The following TDRD12 variants were observed in gnomAD, a reference collection of about 807,000 sequenced individuals.
TDRD12 encodes the protein putative ATP-dependent RNA helicase TDRD12.
In TDRD12, 158 loss-of-function variants were observed where a neutral mutation model predicts 133.5. That is an observed-to-expected ratio of 1.18 (90% CI 1.04 to 1.35). The LOEUF is 1.35. Among genes scored for constraint, TDRD12 ranks in the 40% most tolerant of loss-of-function variants. The probability of loss-of-function intolerance (pLI) is 0.00; values close to 1 mark genes in which losing one functional copy is unlikely to be tolerated. For synonymous variants in TDRD12, 460 were observed against 477.9 expected, an observed-to-expected ratio of 0.96 and a Z score of 0.49; for missense variants, 1,443 against 1,321.3, an observed-to-expected ratio of 1.09 and a Z score of -1.43.
chr19:32,774,630 C>G (rs188387723), intron 10 of TDRD12, among the ~76,000 whole-genome samples: 30 of 152,296 alleles, frequency 2.0e-4, no homozygotes, highest in African/African-American at 7.2e-4. Context: ...TGTTCCTCTG[C>G]TGTTTCCTCT....
intron 27 of TDRD12, among the ~76,000 whole-genome samples, chr19:32,818,911 A>G (rs1451824216): frequency 6.6e-6 from 1 of 151,232 alleles, no homozygotes; most frequent in African/African-American, 2.5e-5. Flanking sequence ...TGGGCTAGTG[A>G]CTTGCTGGGT....
In TDRD12 at chr19:32,720,027, G is replaced by A. The variant is rs1225897886; in HGVS notation, c.-46G>A. The stretch of plus-strand genomic sequence containing the variant: ...AGCCAGCCTCACCCGCGACGGTAGG[G>A]GACTTCCAGGGCGAGGGGGCCCATC... On this transcript the variant is annotated 5_prime_UTR_variant, in exon 1 of 28. Transcript: ENST00000444215. 2.6e-6 allele frequency: 4 copies of A among 1,545,560 alleles called. No homozygotes were observed. In the African/African-American group the frequency reaches 4.1e-5, roughly 16 times the overall value.
intron 10 of TDRD12, among the ~76,000 whole-genome samples, chr19:32,774,554 G>T (rs1317214237): frequency 6.6e-6 from 1 of 151,980 alleles, no homozygotes; most frequent in Non-Finnish European, 1.5e-5. Flanking sequence ...TTTATTTAAA[G>T]ATGTTGTCCC....
chr19:32,761,932 C>G (rs1481568528), intron 8 of TDRD12, among the ~76,000 whole-genome samples: 4 of 152,050 alleles, frequency 2.6e-5, no homozygotes, highest in Non-Finnish European at 4.4e-5. Context: ...GTGATCCACC[C>G]ACCTCAAATG....
At chr19:32,744,526 A>T (rs1482679042) in intron 4 of TDRD12, among the ~76,000 whole-genome samples, 2 of 149,156 alleles carry the variant, frequency 1.3e-5, no homozygotes, top group Non-Finnish European at 3.0e-5. Flanking sequence ...AAAAAAAAAC[A>T]AAAGAATATA....
intron 4 of TDRD12, among the ~76,000 whole-genome samples, chr19:32,746,754 C>CG (rs1491332143): frequency 2.1e-5 from 1 of 47,908 alleles, no homozygotes; most frequent in Non-Finnish European, 4.0e-5. Flanking sequence ...GTGAGAGAGA[C>CG]GGGGAGAGAG....
At chr19:32,739,986 C>A (rs1969364455) in intron 3 of TDRD12, among the ~76,000 whole-genome samples, 1 of 120,012 alleles carries the variant, frequency 8.3e-6, no homozygotes, top group South Asian at 3.2e-4. Context: ...GTGCTGTCTG[C>A]ATCTCCTGGG....
At chr19:32,803,551 T>A (rs914628538) in intron 21 of TDRD12, among the ~76,000 whole-genome samples, 1 of 152,200 alleles carries the variant, frequency 6.6e-6, no homozygotes, top group Non-Finnish European at 1.5e-5. Flanking sequence ...GCTATGATGT[T>A]TGAAGCTGTT....
At chr19:32,798,716 T>G (rs1162906906) in intron 16 of TDRD12, among the ~76,000 whole-genome samples, 2 of 152,216 alleles carry the variant, frequency 1.3e-5, no homozygotes, top group African/African-American at 2.4e-5. Flanking sequence ...TTAGAAAATT[T>G]AAGACATGGA....
At chr19:32,810,627 C>G (rs1034713045) in intron 23 of TDRD12, among the ~76,000 whole-genome samples, 3 of 152,248 alleles carry the variant, frequency 2.0e-5, no homozygotes, top group Non-Finnish European at 4.4e-5. Context: ...AGCTCGATAC[C>G]TGGCATAGTT....
chr19:32,766,440 T>A (rs1471161530), intron 8 of TDRD12, among the ~76,000 whole-genome samples: 1 of 152,212 alleles, frequency 6.6e-6, no homozygotes, highest in Non-Finnish European at 1.5e-5. Flanking sequence ...ACGTAGTAGG[T>A]CTTACTCTTT....
rs1971267455 is a variant in TDRD12 at position 32,797,609 on chromosome 19, G to GT, written c.1474-125dup. On this transcript the variant is annotated intron_variant, in intron 14 of 27. Coordinates refer to ENST00000444215, the Ensembl canonical transcript of TDRD12. Reference sequence around the variant, plus strand: ...AATTATATCGTCACTTTTCTGACCTGTATGATGATTATAGCAGAAACTTAC... The same window carrying GT: ...AATTATATCGTCACTTTTCTGACCTGTTATGATGATTATAGCAGAAACTTAC... The GT allele has an allele frequency of 5.6e-6, 3 of 536,382 alleles. No homozygotes were observed. The East Asian group carries it at 8.8e-5, about 16-fold the overall frequency. 33.2% of individuals were successfully genotyped at this position (536,382 alleles called of 1,614,324 possible). A position where few individuals can be genotyped will look rare whatever the true frequency, so the allele number is the denominator to read the frequency against.
intron 18 of TDRD12, among the ~76,000 whole-genome samples, chr19:32,801,390 G>A (rs8108045): frequency 0.6 from 91,554 of 152,008 alleles, 28,718 homozygotes; most frequent in East Asian, 0.83. Context: ...GCTTTCTGCA[G>A]CAGTCAGCTA....
intron 11 of TDRD12, among the ~76,000 whole-genome samples, chr19:32,777,859 T>TA (rs1970652103): frequency 1.8e-4 from 4 of 22,056 alleles, no homozygotes; most frequent in Admixed American, 8.7e-4. Flanking sequence ...ATATATATAT[T>TA]TTTTTTTTTT....
intron 9 of TDRD12, among the ~76,000 whole-genome samples, chr19:32,773,063 C>T (rs1260115239): frequency 2.6e-5 from 4 of 152,314 alleles, no homozygotes; most frequent in East Asian, 3.9e-4. Flanking sequence ...CTCTTGTTCT[C>T]GGCCTAGTTT....
exon 7 of TDRD12, chr19:32,756,095 A>T: frequency 6.7e-7 from 1 of 1,482,594 alleles, no homozygotes; most frequent in Non-Finnish European, 8.9e-7. Context: ...TTGAATATAA[A>T]ATCAGCACCC....
At chr19:32,742,930 C>T in intron 4 of TDRD12, 30 bp downstream of exon 4, 1 of 1,548,472 alleles carries the variant, frequency 6.5e-7, no homozygotes, top group Non-Finnish European at 8.7e-7. Flanking sequence ...TCCTTCGAAT[C>T]ATTAGTAAAA....
exon 23 of TDRD12, chr19:32,810,153 A>T: frequency 6.5e-7 from 1 of 1,535,076 alleles, no homozygotes; most frequent in Non-Finnish European, 8.7e-7. Context: ...TGATAAACAC[A>T]TGGATCTTTA....
intron 11 of TDRD12, among the ~76,000 whole-genome samples, chr19:32,788,759 C>CT (rs933742804): frequency 6.6e-6 from 1 of 152,162 alleles, no homozygotes; most frequent in African/African-American, 2.4e-5. Context: ...GTGAGGGTCT[C>CT]TGAGTGTGCC....
Sources: allele counts gnomAD v4.1 joint callset (sites outside exome capture counted in the v4.1 genomes callset), GRCh38; gene constraint gnomAD v4.1.1; transcripts MANE v1.5; gene names NCBI Gene and HGNC (gene_info 2026-07-23, HGNC 2026-07-21).